Variants in URI1 observed in about 807,000 individuals in gnomAD.
URI1 encodes URI1 prefoldin like chaperone.
In URI1, 39 loss-of-function variants were observed where a neutral mutation model predicts 60.2. The observed-to-expected ratio is 0.65, with a 90% CI of 0.50 to 0.85. The LOEUF (loss-of-function observed/expected upper bound fraction) is 0.85, where lower values mean the gene tolerates loss of function less well. Among genes scored for constraint, URI1 ranks in the 40% least tolerant of loss-of-function variants. URI1 has a pLI of 0.00. For missense variants in URI1, 691 were observed against 665.9 expected (o/e 1.04, Z -0.42); for synonymous variants, 251 against 236.8 (o/e 1.06, Z -0.55).
chr19:29,966,764 A>G (rs1483083958), intron 1 of URI1, among the ~76,000 whole-genome samples: 2 of 152,218 alleles, frequency 1.3e-5, no homozygotes, highest in African/African-American at 4.8e-5. Context: ...TAAAACCAAA[A>G]TAGTAAGATC....
At chr19:29,961,224 G>GT (rs1484472424) in intron 1 of URI1, among the ~76,000 whole-genome samples, 1 of 148,464 alleles carries the variant, frequency 6.7e-6, no homozygotes, top group Non-Finnish European at 1.5e-5. Context: ...TTGATCAACC[G>GT]TAATTACCAT....
chr19:29,965,840 T>C (rs2055385341), intron 1 of URI1, among the ~76,000 whole-genome samples: 1 of 152,154 alleles, frequency 6.6e-6, no homozygotes, highest in African/African-American at 2.4e-5. Flanking sequence ...GAGGGAGATG[T>C]ATAGTGCCAG....
At position 29,956,844 on chromosome 19, in the gene URI1, C is replaced by T. The variant is rs1237296186; in HGVS notation, c.117+14180C>T. Reference sequence around the variant, plus strand: ...ACCCGGAGCCTCTTTTTTTTCTTTCCAAGGAGTCTGAGTTCTACGTTGATG... The same window carrying T: ...ACCCGGAGCCTCTTTTTTTTCTTTCTAAGGAGTCTGAGTTCTACGTTGATG... On this transcript the variant is annotated intron_variant, in intron 1 of 10. Transcript: ENST00000392271. The T allele has an allele frequency of 5.1e-6, 8 of 1,571,460 alleles. No individual in the cohort carries two copies. The African/African-American group carries it at 8.1e-5, about 16-fold the overall frequency.
chr19:29,971,118 T>A (rs544185990), intron 1 of URI1, 75 bp from the exon 2 acceptor site: 2 of 1,432,588 alleles, frequency 1.4e-6, no homozygotes, highest in African/African-American at 2.8e-5. Context: ...ATGTTCTAGT[T>A]TTCAGATACA....
At chr19:29,989,421 A>T (rs2055715535) in intron 4 of URI1, among the ~76,000 whole-genome samples, 1 of 136,076 alleles carries the variant, frequency 7.3e-6, no homozygotes, top group African/African-American at 2.8e-5. Context: ...CCTGGGTTAT[A>T]TATTTTCTTT....
chr19:29,983,734 C>T (rs558116219), intron 2 of URI1, among the ~76,000 whole-genome samples: 1 of 152,288 alleles, frequency 6.6e-6, no homozygotes, highest in South Asian at 2.1e-4. Flanking sequence ...TTGGCATAGG[C>T]TGCTGCCTGG....
intron 2 of URI1, among the ~76,000 whole-genome samples, chr19:29,983,626 G>A (rs2055625047): frequency 6.6e-6 from 1 of 152,018 alleles, no homozygotes; most frequent in African/African-American, 2.4e-5. Context: ...ACATCCTTCT[G>A]CTTAAAAAAA....
chr19:29,976,102 G>T (rs139682999), intron 2 of URI1, among the ~76,000 whole-genome samples: 49 of 150,914 alleles, frequency 3.2e-4, no homozygotes, highest in African/African-American at 1.2e-3. Flanking sequence ...ATGAGACCTG[G>T]AACTATTTTT....
chr19:29,945,995 G>A (rs1171316621), intron 1 of URI1, among the ~76,000 whole-genome samples: 1 of 152,018 alleles, frequency 6.6e-6, no homozygotes, highest in Non-Finnish European at 1.5e-5. Context: ...CGGTTAGGCA[G>A]GTTTATTTCT....
At chr19:29,942,985 C>G (rs534670737) in intron 1 of URI1, among the ~76,000 whole-genome samples, 2 of 152,210 alleles carry the variant, frequency 1.3e-5, no homozygotes, top group Non-Finnish European at 2.9e-5. Context: ...TTGTAATGAC[C>G]TAAACATTGC....
intron 1 of URI1, among the ~76,000 whole-genome samples, chr19:29,948,259 T>C (rs1259346515): frequency 6.6e-6 from 1 of 152,180 alleles, no homozygotes; most frequent in African/African-American, 2.4e-5. Flanking sequence ...GTATGCTGTT[T>C]CTTTCTTTTT....
At chr19:29,977,110 A>G (rs528424109) in intron 2 of URI1, among the ~76,000 whole-genome samples, 1 of 152,030 alleles carries the variant, frequency 6.6e-6, no homozygotes, top group South Asian at 2.1e-4. Context: ...TAAAAATCTC[A>G]GGTGAAGATT....
At chr19:29,940,820 A>T (rs961066933), upstream of URI1, among the ~76,000 whole-genome samples, 3 of 151,904 alleles carry the variant, frequency 2.0e-5, no homozygotes, top group Non-Finnish European at 4.4e-5. Flanking sequence ...AAACGAGGGG[A>T]AGTGGGGTGG....
intron 10 of URI1, among the ~76,000 whole-genome samples, chr19:30,013,988 CAGA>C (rs2056055059): frequency 6.7e-6 from 1 of 149,724 alleles, no homozygotes; most frequent in African/African-American, 2.5e-5. Context: ...ACTTGGTAGA[CAGA>C]GGAGAACAAA....
upstream of URI1, among the ~76,000 whole-genome samples, chr19:29,938,385 T>G (rs1422951718): frequency 6.6e-6 from 1 of 152,138 alleles, no homozygotes; most frequent in Non-Finnish European, 1.5e-5. Context: ...CCAGCTTTCA[T>G]GTGAACTCAT....
In URI1 at chr19:30,007,609, A is replaced by G. The variant is rs1187356708; in HGVS notation, c.657A>G (p.Arg219=). 3.5e-5 allele frequency: 57 copies of G among 1,609,110 alleles called. No individual in the cohort carries two copies. Among genetic ancestry groups the G allele is most frequent in the Non-Finnish European group, 4.7e-5 (55 of 1,177,792 alleles). ...GGGCTCGACTTGAAGAACTAGAGAGACAGGAAGAATTGCTGGGTGAACTTG... is the reference window on the plus strand; with the variant it reads ...GGGCTCGACTTGAAGAACTAGAGAGGCAGGAAGAATTGCTGGGTGAACTTG... ...ELWARLEELE[R]QEELLGELDS... The change falls in exon 7 of 11, where the codon AGA becomes AGG. Residue 219 remains arginine, a synonymous_variant. Transcript: ENST00000392271.
intron 1 of URI1, among the ~76,000 whole-genome samples, chr19:29,962,366 T>C (rs1237935620): frequency 6.6e-6 from 1 of 151,154 alleles, no homozygotes; most frequent in Non-Finnish European, 1.5e-5. Context: ...ACTGTACTTA[T>C]GGTTTAGTAC....
chr19:29,946,621 TAA>T (rs771143873), intron 1 of URI1, among the ~76,000 whole-genome samples: 7 of 152,134 alleles, frequency 4.6e-5, no homozygotes, highest in Non-Finnish European at 7.4e-5. Context: ...TTAAATGCAT[TAA>T]GAGTAAATAT....
At chr19:30,012,220 C>G (rs2056029781) in intron 9 of URI1, 65 bp from the exon 10 acceptor site, 5 of 1,487,738 alleles carry the variant, frequency 3.4e-6, no homozygotes, top group Non-Finnish European at 4.5e-6. Context: ...AGGAAATTTT[C>G]AAAAAGTTGT....
Sources: gnomAD v4.1 joint callset for allele counts (sites outside exome capture counted in the v4.1 genomes callset) on GRCh38, gnomAD v4.1.1 for gene constraint, MANE v1.5 for transcripts, NCBI Gene and HGNC (gene_info 2026-07-23, HGNC 2026-07-21) for gene names.